Variants in EXOC4 observed in about 807,000 individuals in gnomAD.
EXOC4 encodes SEC8-like 1.
In EXOC4, 71 loss-of-function variants were observed where a neutral mutation model predicts 107.2. That is an observed-to-expected ratio of 0.66 (90% CI 0.55 to 0.81). EXOC4 has a LOEUF of 0.81. EXOC4 is among the 30% of genes least tolerant of loss of function. The pLI, the probability that EXOC4 is intolerant of heterozygous loss-of-function variation, is 0.00. For synonymous variants in EXOC4, 456 were observed against 441.2 expected, an observed-to-expected ratio of 1.03 and a Z score of -0.42; for missense variants, 1,108 against 1,189.6, an observed-to-expected ratio of 0.93 and a Z score of 1.01.
intron 6 of EXOC4, among the ~76,000 whole-genome samples, chr7:133,361,252 A>G (rs1032192558): frequency 5.3e-5 from 8 of 152,106 alleles, no homozygotes; most frequent in African/African-American, 1.9e-4. Flanking sequence ...TGCCATTTTC[A>G]CTGTTTTTGC....
At chr7:133,646,745 G>T (rs1803002309) in intron 10 of EXOC4, among the ~76,000 whole-genome samples, 1 of 152,080 alleles carries the variant, frequency 6.6e-6, no homozygotes, top group Admixed American at 6.5e-5. Flanking sequence ...GTTTACATTT[G>T]GTTGTGACAA....
chr7:133,875,607 C>G (rs1398413965), intron 11 of EXOC4, among the ~76,000 whole-genome samples: 1 of 152,150 alleles, frequency 6.6e-6, no homozygotes, highest in African/African-American at 2.4e-5. Context: ...CAGGAGGGTC[C>G]AGTCTTCACT....
chr7:133,856,332 A>T (rs1272041104), intron 11 of EXOC4, among the ~76,000 whole-genome samples: 1 of 152,268 alleles, frequency 6.6e-6, no homozygotes, highest in South Asian at 2.1e-4. Context: ...AATATGTGTG[A>T]TGCTTTAGTG....
intron 13 of EXOC4, among the ~76,000 whole-genome samples, chr7:133,919,295 C>T (rs1308484621): frequency 1.3e-5 from 2 of 152,108 alleles, no homozygotes; most frequent in African/African-American, 4.8e-5. Context: ...CTTACACCTC[C>T]CCCAACCATT....
chr7:133,820,154 A>AT (rs35640945), intron 11 of EXOC4, among the ~76,000 whole-genome samples: 1,231 of 70,224 alleles, frequency 0.018, 25 homozygotes, highest in African/African-American at 0.029. Flanking sequence ...CACCTGCTTC[A>AT]TTTTTTTTTT....
chr7:133,635,755 G>T (rs575424454), intron 10 of EXOC4, among the ~76,000 whole-genome samples: 1 of 152,266 alleles, frequency 6.6e-6, no homozygotes, highest in African/African-American at 2.4e-5. Flanking sequence ...TCAGGAACAA[G>T]TACACCCTGG....
At chr7:133,503,148 G>A (rs1242437845) in intron 9 of EXOC4, among the ~76,000 whole-genome samples, 2 of 152,124 alleles carry the variant, frequency 1.3e-5, no homozygotes, top group African/African-American at 4.8e-5. Context: ...TGTGTCTTTG[G>A]CCCAGGGTGG....
At position 133,300,659 on chromosome 7, in the gene EXOC4, A is replaced by G. The variant is rs187007075; in HGVS notation, c.472-5218A>G. On this transcript the variant is annotated intron_variant, in intron 3 of 17. Transcript: ENST00000253861. ...ATACATATATATTGTGGTATATTCT[A>G]CTAGTAAAATTGTTCCTAGTTTATC... Among the ~76,000 whole-genome samples the G allele has an allele frequency of 5.3e-5, 8 of 152,262 alleles. No individual in the cohort carries two copies. In the East Asian group the frequency reaches 1.5e-3, roughly 29 times the overall value.
chr7:133,531,498 G>A (rs1427117120), intron 9 of EXOC4, among the ~76,000 whole-genome samples: 2 of 152,116 alleles, frequency 1.3e-5, no homozygotes, highest in South Asian at 2.1e-4. Context: ...CTGGAGGAAC[G>A]ACAAAGGAAC....
At chr7:133,749,063 G>A (rs766465366) in intron 10 of EXOC4, among the ~76,000 whole-genome samples, 4 of 152,214 alleles carry the variant, frequency 2.6e-5, no homozygotes, top group Non-Finnish European at 5.9e-5. Flanking sequence ...CAGGAGCCTG[G>A]ACAGTTGCTG....
chr7:133,313,401 T>C (rs1215827280), intron 4 of EXOC4, among the ~76,000 whole-genome samples: 1 of 152,192 alleles, frequency 6.6e-6, no homozygotes, highest in Non-Finnish European at 1.5e-5. Flanking sequence ...ATTTCTTAGC[T>C]CAGTTTGATT....
chr7:133,521,710 C>T (rs907243401), intron 9 of EXOC4, among the ~76,000 whole-genome samples: 9 of 152,016 alleles, frequency 5.9e-5, no homozygotes, highest in African/African-American at 1.7e-4. Flanking sequence ...ACCTCTGCCT[C>T]CTGGGCTCAA....
intron 17 of EXOC4, among the ~76,000 whole-genome samples, chr7:134,035,204 C>A (rs1405497344): frequency 1.3e-5 from 2 of 151,848 alleles, no homozygotes; most frequent in Admixed American, 1.3e-4. Flanking sequence ...CGCCACCATG[C>A]CTGGCTAATT....
chr7:133,418,738 T>C (rs1267385707), intron 7 of EXOC4, among the ~76,000 whole-genome samples: 4 of 152,178 alleles, frequency 2.6e-5, no homozygotes, highest in Non-Finnish European at 4.4e-5. Context: ...TAGTTACTTT[T>C]AGGGTTATTG....
chr7:134,061,068 A>G (rs1213884257), intron 17 of EXOC4, among the ~76,000 whole-genome samples: 1 of 152,162 alleles, frequency 6.6e-6, no homozygotes, highest in Non-Finnish European at 1.5e-5. Flanking sequence ...CATGCCCTTT[A>G]TCACTCATCA....
intron 10 of EXOC4, among the ~76,000 whole-genome samples, chr7:133,659,683 A>G (rs1259578025): frequency 2.0e-5 from 3 of 152,148 alleles, no homozygotes; most frequent in Non-Finnish European, 4.4e-5. Flanking sequence ...CATTTTGAGC[A>G]GGCTCTTAGG....
chr7:133,380,075 A>G (rs997491228), intron 7 of EXOC4, among the ~76,000 whole-genome samples: 2 of 151,164 alleles, frequency 1.3e-5, no homozygotes, highest in East Asian at 3.9e-4. Context: ...AACATCACAC[A>G]CCAGAGCCTG....
chr7:134,058,106 A>C (rs1795972435), intron 17 of EXOC4, among the ~76,000 whole-genome samples: 2 of 152,200 alleles, frequency 1.3e-5, no homozygotes, highest in Non-Finnish European at 2.9e-5. Flanking sequence ...TGGAGAAAAC[A>C]GGAGTTCACT....
At chr7:134,079,584 G>A in the EXOC4 span, among the ~76,000 whole-genome samples, 1 of 152,138 alleles carries the variant, frequency 6.6e-6, no homozygotes, top group Non-Finnish European at 1.5e-5. Context: ...CACCTCTGGA[G>A]AGTGTGTTCT....
Sources: allele counts gnomAD v4.1 joint callset (sites outside exome capture counted in the v4.1 genomes callset), GRCh38; gene constraint gnomAD v4.1.1; transcripts MANE v1.5; gene names NCBI Gene and HGNC (gene_info 2026-07-23, HGNC 2026-07-21).